The following CHEK2 variants were observed in gnomAD, a reference collection of about 807,000 sequenced individuals.
CHEK2 encodes checkpoint kinase 2.
In CHEK2, 71 loss-of-function variants were observed where a neutral mutation model predicts 69.1. That is an observed-to-expected ratio of 1.03 (90% CI 0.85 to 1.25). The LOEUF is 1.25. Ranked by LOEUF, CHEK2 falls within the 50% of genes most tolerant of loss-of-function variation. The pLI, the probability that CHEK2 is intolerant of heterozygous loss-of-function variation, is 0.00. For synonymous variants in CHEK2, 189 were observed against 226.9 expected (o/e 0.83, Z 1.50); for missense variants, 664 against 649.6 (o/e 1.02, Z -0.24).
chr22:28,694,997 G>A, intron 12 of CHEK2, 130 bp downstream of exon 12: 1 of 682,864 alleles, frequency 1.5e-6, no homozygotes, highest in Non-Finnish European at 2.7e-6. Context: ...CTCAAATGGT[G>A]TGAAACTAAC....
intron 14 of CHEK2, among the ~76,000 whole-genome samples, 178 bp downstream of exon 14, chr22:28,688,957 C>T (rs1003033821): frequency 6.6e-6 from 1 of 152,142 alleles, no homozygotes; most frequent in African/African-American, 2.4e-5. Context: ...TTAAACATAT[C>T]CTGCATTTTT....
Position 28,723,601 on chromosome 22 carries a change from G to GAAA in CHEK2, c.592+1373_592+1375dup, listed in dbSNP as rs377197157. 4.1e-4 allele frequency among the ~76,000 whole-genome samples: 20 copies of GAAA among 48,876 alleles called. 2 individuals are homozygous for GAAA. The highest frequency in any genetic ancestry group is 8.6e-4 in the Admixed American group (3 of 3,474). The allele number at this position is 48,876 out of a possible 152,430, so 32.1% of individuals were successfully genotyped here. ...CGACAGAGCAAGGCTCCGTCACAAGGAAAAAAAAAGAAAAAAAAAAAAAAG... is the reference window on the plus strand; with the variant it reads ...CGACAGAGCAAGGCTCCGTCACAAGGAAAAAAAAAAAAGAAAAAAAAAAAAAAG... On this transcript the variant is annotated intron_variant, in intron 4 of 14. Coordinates refer to ENST00000404276, the MANE Select transcript of CHEK2 (RefSeq NM_007194.4).
chr22:28,718,689 C>T (rs1048883732), intron 5 of CHEK2, among the ~76,000 whole-genome samples: 1 of 151,902 alleles, frequency 6.6e-6, no homozygotes, highest in Non-Finnish European at 1.5e-5. Context: ...CAAGACCAGC[C>T]TGGGCAACAT....
Position 28,703,487 on chromosome 22 carries a change from A to T in CHEK2, c.908+18T>A, listed in dbSNP as rs755416802. ...CATTTGAATGGAAACAGAAATTTTTAAAAAGTTTACTACTTACAATTCCAA... is the reference window on the plus strand; with the variant it reads ...CATTTGAATGGAAACAGAAATTTTTTAAAAGTTTACTACTTACAATTCCAA... On this transcript the variant is annotated intron_variant, in intron 8 of 14. Coordinates refer to ENST00000404276, the MANE Select transcript of CHEK2 (RefSeq NM_007194.4). The T allele has an allele frequency of 1.4e-5, 18 of 1,262,932 alleles. No homozygotes were observed. Among genetic ancestry groups the T allele is most frequent in the Admixed American group, 3.8e-5 (2 of 52,082 alleles). 78.2% of individuals were successfully genotyped at this position (1,262,932 alleles called of 1,614,324 possible).
chr22:28,699,464 A>C (rs2052733873), intron 9 of CHEK2, among the ~76,000 whole-genome samples: 1 of 146,714 alleles, frequency 6.8e-6, no homozygotes, highest in East Asian at 2.0e-4. Flanking sequence ...CTCCCAGTTC[A>C]AGTGATTCTC....
At chr22:28,708,237 A>T (rs2053231207) in intron 7 of CHEK2, among the ~76,000 whole-genome samples, 1 of 152,082 alleles carries the variant, frequency 6.6e-6, no homozygotes. Flanking sequence ...ACATGCCTAT[A>T]GTCCCAGCTA....
intron 2 of CHEK2, among the ~76,000 whole-genome samples, chr22:28,728,663 C>A (rs904030338): frequency 6.6e-6 from 1 of 152,114 alleles, no homozygotes; most frequent in Non-Finnish European, 1.5e-5. Flanking sequence ...TATTGTGCCA[C>A]TGCACTCCAG....
intron 9 of CHEK2, 141 bp from the exon 10 acceptor site, chr22:28,697,128 A>G (rs778518211): frequency 1.5e-5 from 10 of 680,632 alleles, no homozygotes; most frequent in Non-Finnish European, 2.1e-5. Flanking sequence ...AATCATAGAA[A>G]ACTGTTGGGG....
intron 1 of CHEK2, among the ~76,000 whole-genome samples, chr22:28,738,515 G>A (rs1165794055): frequency 6.6e-6 from 1 of 152,158 alleles, no homozygotes; most frequent in Non-Finnish European, 1.5e-5. Flanking sequence ...AGACCATGAG[G>A]ATTAAGTGAA....
At chr22:28,735,082 T>C (rs1443129771) in intron 1 of CHEK2, among the ~76,000 whole-genome samples, 1 of 152,112 alleles carries the variant, frequency 6.6e-6, no homozygotes, top group Admixed American at 6.6e-5. Context: ...ACCAAAAATG[T>C]ACTGATACAA....
At chr22:28,691,349 G>C (rs953333918) in intron 13 of CHEK2, among the ~76,000 whole-genome samples, 2 of 152,018 alleles carry the variant, frequency 1.3e-5, no homozygotes, top group African/African-American at 4.8e-5. Context: ...GATGGTGGCA[G>C]GCACCTGTAA....
At position 28,713,452 on chromosome 22, in the gene CHEK2, C is replaced by T. The variant is rs187151575; in HGVS notation, c.684-1435G>A. Reference sequence around the variant, plus strand: ...TCGGCTCACCGCAAGCTCCGCCTCCCGGGTTCACGCCATTCTGCCTCAGCC... The same window carrying T: ...TCGGCTCACCGCAAGCTCCGCCTCCTGGGTTCACGCCATTCTGCCTCAGCC... On this transcript the variant is annotated intron_variant, in intron 5 of 14. Coordinates refer to ENST00000404276, the MANE Select transcript of CHEK2 (RefSeq NM_007194.4). Among the ~76,000 whole-genome samples the T allele has an allele frequency of 6.1e-4, 91 of 150,242 alleles. 1 individual carries two copies. In the South Asian group the frequency reaches 0.017, roughly 28 times the overall value.
At chr22:28,710,184 A>G in intron 6 of CHEK2, 125 bp from the exon 7 acceptor site, 1 of 634,610 alleles carries the variant, frequency 1.6e-6, no homozygotes, top group Non-Finnish European at 2.9e-6. Context: ...ACTTATACAA[A>G]GAAATCAAAG....
intron 1 of CHEK2, among the ~76,000 whole-genome samples, chr22:28,738,191 C>A (rs962521174): frequency 2.6e-5 from 4 of 152,058 alleles, no homozygotes; most frequent in African/African-American, 9.7e-5. Context: ...GGTGACAGAG[C>A]GAGACCCTGT....
intron 8 of CHEK2, among the ~76,000 whole-genome samples, chr22:28,700,915 A>G (rs1024343266): frequency 6.6e-6 from 1 of 151,668 alleles, no homozygotes; most frequent in East Asian, 2.0e-4. Flanking sequence ...TCAGCCTCCC[A>G]AGTAGCTGGG....
Position 28,703,573 on chromosome 22 carries a change from A to C in CHEK2, c.847-7T>G, listed in dbSNP as rs1057520267. On this transcript the variant is annotated splice_region_variant and splice_polypyrimidine_tract_variant and intron_variant, in intron 7 of 14. Transcript: ENST00000404276. ...TAATCTTGATGATGCAAGGCTAAGA[A>C]GAGGGGGAGAAAAAAGGGAAAGTAG... 3.2e-6 allele frequency: 5 copies of C among 1,546,690 alleles called. No individual in the cohort carries two copies. Among genetic ancestry groups the C allele is most frequent in the Non-Finnish European group, 4.4e-6 (5 of 1,125,424 alleles).
At position 28,713,121 on chromosome 22, in the gene CHEK2, G is replaced by A. The variant is rs906729104; in HGVS notation, c.684-1104C>T. 3.3e-5 allele frequency among the ~76,000 whole-genome samples: 5 copies of A among 152,230 alleles called. No homozygotes were observed. In the East Asian group the frequency reaches 7.7e-4, roughly 23 times the overall value. On this transcript the variant is annotated intron_variant, in intron 5 of 14. Transcript: ENST00000404276. ...TCGTGTCTGGATTCTTTCACTTAGC[G>A]TAATGCCATAACATTTGTGGTACTT...
At chr22:28,691,839 G>A (rs182140320) in intron 13 of CHEK2, among the ~76,000 whole-genome samples, 110 of 152,336 alleles carry the variant, frequency 7.2e-4, no homozygotes, top group Admixed American at 1.8e-3. Context: ...TGACAAAACA[G>A]AGACCAGAAT....
At chr22:28,696,880 T>C in intron 10 of CHEK2, 21 bp downstream of exon 10, 3 of 1,525,720 alleles carry the variant, frequency 2.0e-6, no homozygotes, top group Non-Finnish European at 2.7e-6. Context: ...AATAGCCACA[T>C]ACAGAATGCC....
Sources: allele counts gnomAD v4.1 joint callset (sites outside exome capture counted in the v4.1 genomes callset), GRCh38; gene constraint gnomAD v4.1.1; transcripts MANE v1.5; gene names NCBI Gene and HGNC (gene_info 2026-07-23, HGNC 2026-07-21).